LRCOL1: variants seen among roughly 807,000 people sequenced by gnomAD.
LRCOL1 encodes the protein leucine rich colipase like 1.
Under a neutral mutation model 21.6 loss-of-function variants are expected in LRCOL1, and 21 were observed. That is an observed-to-expected ratio of 0.97 (90% CI 0.69 to 1.40). LRCOL1 has a LOEUF of 1.40. Among genes scored for constraint, LRCOL1 ranks in the 40% most tolerant of loss-of-function variants. The probability of loss-of-function intolerance (pLI) is 0.00; values close to 1 mark genes in which losing one functional copy is unlikely to be tolerated. For synonymous variants in LRCOL1, 98 were observed against 90.1 expected (o/e 1.09, Z -0.49); for missense variants, 198 against 202.3 (o/e 0.98, Z 0.13).
At chr12:132,605,094 A>G in intron 2 of LRCOL1, 1 of 1,288,202 alleles carries the variant, frequency 7.8e-7, no homozygotes, top group South Asian at 1.7e-5. Context: ...ATGCAGCAGC[A>G]GAGCATGGGT....
Position 132,606,231 on chromosome 12 carries a change from C to T in LRCOL1, c.21G>A (p.Thr7=), listed in dbSNP as rs184715445. The change falls in exon 2 of 6, where the codon ACG becomes ACA. Residue 7 remains threonine, a synonymous_variant. Coordinates refer to ENST00000376608, the MANE Select transcript of LRCOL1 (RefSeq NM_001195520.2). The surrounding 1 kb of genome is among the most constrained non-coding windows in gnomAD (Gnocchi z 4.6). ...GCAGCAGCAGCAGCAGTAGCAGCAG[C>T]GTCCACCCCGGGCCGGCCATCGGGT... MAGPGW[T]LLLLLLLLLL... is the part of the protein sequence containing the mutation. The T allele has an allele frequency of 2.5e-4, 384 of 1,536,436 alleles. 2 individuals are homozygous for T. The African/African-American group carries it at 4.7e-3, about 19-fold the overall frequency.
At position 132,603,385 on chromosome 12, in the gene LRCOL1, C is replaced by G; in HGVS notation, c.*17G>C. On this transcript the variant is annotated 3_prime_UTR_variant, in exon 6 of 6. Coordinates refer to ENST00000376608, the MANE Select transcript of LRCOL1 (RefSeq NM_001195520.2). ...CAGGGCCCAGGCCGGTCCCTCGCGC[C>G]CAGGTTCGAGCTCACATCACTGAAG... 6.5e-7 allele frequency: 1 copy of G among 1,536,218 alleles called. No homozygotes were observed.
chr12:132,604,767 A>C lies in LRCOL1; in HGVS notation c.170T>G (p.Leu57Arg). Residue 57 changes from leucine (L) to arginine (R), a missense_variant, in exon 3 of 6, where the codon CTG becomes CGG. By Grantham distance (102) the Leu-to-Arg change is moderately radical (BLOSUM62 -2). Transcript: ENST00000376608. ...CQSNCCTINSLAPHTLCTPKT... is the reference protein window; with the variant it reads ...CQSNCCTINSRAPHTLCTPKT... The stretch of plus-strand genomic sequence containing the variant: ...AGGGGTGCAGAGCGTGTGTGGGGCC[A>C]GGCTGTTGATGGTACAGCAGTTGCT... The C allele has an allele frequency of 6.5e-7, 1 of 1,536,086 alleles. No homozygotes were observed. Among genetic ancestry groups the C allele is most frequent in the Non-Finnish European group, 8.7e-7 (1 of 1,146,886 alleles).
rs139358222 is a variant in LRCOL1 at position 132,606,584 on chromosome 12, T to C, written c.-13-320A>G. 2.9e-4 allele frequency among the ~76,000 whole-genome samples: 44 copies of C among 152,270 alleles called. No homozygotes were observed. The East Asian group carries it at 7.5e-3, about 26-fold the overall frequency. On this transcript the variant is annotated intron_variant, in intron 1 of 5. Transcript: ENST00000376608. This position sits in a 1 kb window ranked among gnomAD's most constrained non-coding sequence, Gnocchi z 4.6. ...GCCATCATCACCCGGAGTCCACAGCTCAGCCGGTGTGTGCCTGCTGCGGGT... is the reference window on the plus strand; with the variant it reads ...GCCATCATCACCCGGAGTCCACAGCCCAGCCGGTGTGTGCCTGCTGCGGGT...
At chr12:132,604,854 G>A (rs57223080) in intron 2 of LRCOL1, 23 bp from the exon 3 acceptor site, 94,014 of 1,534,564 alleles carry the variant, frequency 0.061, 6,037 homozygotes, top group African/African-American at 0.31. Flanking sequence ...TCACCAGCTC[G>A]CTCACCTGTT....
chr12:132,603,831 C>G (rs1593647916), intron 5 of LRCOL1: 1 of 985,420 alleles, frequency 1.0e-6, no homozygotes, highest in African/African-American at 1.7e-5. Context: ...ACGGCTTGTC[C>G]CATGGATTTC....
intron 5 of LRCOL1, chr12:132,603,825 C>T: frequency 1.0e-6 from 1 of 985,442 alleles, no homozygotes; most frequent in Admixed American, 6.1e-5. Flanking sequence ...CCGAGCACGG[C>T]TTGTCCCATG....
Position 132,604,562 on chromosome 12 carries a change from T to C in LRCOL1, c.254A>G (p.His85Arg). Residue 85 changes from histidine to arginine, a missense_variant, in exon 4 of 6, where the codon CAC becomes CGC. Transcript: ENST00000376608. ...WRKPNGYRCS[H>R]DSECQSSCCV... ...GCAGCTGCTCTGGCACTCTGAGTCG[T>C]GCGAGCATCTGTACCCATTGGGCTA... The C allele has an allele frequency of 6.5e-7, 1 of 1,535,972 alleles. No homozygotes were observed. The highest frequency in any genetic ancestry group is 8.7e-7 in the Non-Finnish European group (1 of 1,146,806).
rs13328958 is a variant in LRCOL1 at position 132,604,235 on chromosome 12, G to A, written c.477+19C>T. The A allele has an allele frequency of 6.9e-4, 1,046 of 1,520,882 alleles. 8 individuals are homozygous for A. In the African/African-American group the frequency reaches 0.013, roughly 19 times the overall value. The allele number at this position is 1,520,882 out of a possible 1,614,324, so 94.2% of individuals were successfully genotyped here. ...GGCCAAGGGAGGGCCTGGAGGCTGAGCCCCCGCCCGGGACTTACCAGGGGC... is the reference window on the plus strand; with the variant it reads ...GGCCAAGGGAGGGCCTGGAGGCTGAACCCCCGCCCGGGACTTACCAGGGGC... On this transcript the variant is annotated intron_variant, in intron 5 of 5. Coordinates refer to ENST00000376608, the MANE Select transcript of LRCOL1 (RefSeq NM_001195520.2).
chr12:132,603,579 G>A (rs977763803), intron 5 of LRCOL1, 175 bp from the exon 6 acceptor site: 44 of 984,846 alleles, frequency 4.5e-5, no homozygotes, highest in Non-Finnish European at 5.3e-5. Flanking sequence ...CCCACGAGCC[G>A]CGCCAGGCGC....
In LRCOL1 at chr12:132,604,452, C is replaced by G. The variant is rs1566277565; in HGVS notation, c.354+10G>C. On this transcript the variant is annotated intron_variant, in intron 4 of 5. Transcript: ENST00000376608. ...CCCTGCTCCATCTGCCCCGGGTGCC[C>G]GCAGCTCACCTTGCGCCAGGGCACA... 5 of 1,533,952 alleles carry G rather than the reference C, an allele frequency of 3.3e-6. No homozygotes were observed. Among genetic ancestry groups the G allele is most frequent in the Non-Finnish European group, 4.4e-6 (5 of 1,145,434 alleles).
At chr12:132,609,621 CTG>C (rs1357010887) in intron 1 of LRCOL1, among the ~76,000 whole-genome samples, 1 of 151,582 alleles carries the variant, frequency 6.6e-6, no homozygotes, top group Admixed American at 6.6e-5. Flanking sequence ...CGCTTGAACC[CTG>C]GAGGCAAAGG....
chr12:132,604,078 C>T (rs927537134), intron 5 of LRCOL1, 176 bp downstream of exon 5: 14 of 1,420,108 alleles, frequency 9.9e-6, no homozygotes, highest in East Asian at 2.6e-5. Flanking sequence ...GCCTTCTCTG[C>T]GGCCCCCACC....
In LRCOL1 at chr12:132,607,793, CTCTG is replaced by C. The variant is rs1328990505; in HGVS notation, c.-13-1533_-13-1530del. Among the ~76,000 whole-genome samples the C allele has an allele frequency of 3.3e-5, 5 of 150,554 alleles. No homozygotes were observed. The East Asian group carries it at 9.8e-4, about 29-fold the overall frequency. On this transcript the variant is annotated intron_variant, in intron 1 of 5. Transcript: ENST00000376608. ...CCTCTCTTTCTCTGCCTCTCCCTCT[CTCTG>C]TCTCTGTCTCCCTCTCTCTGTCTCT...
chr12:132,608,896 T>C (rs949059390), intron 1 of LRCOL1, among the ~76,000 whole-genome samples: 4 of 152,184 alleles, frequency 2.6e-5, no homozygotes, highest in Non-Finnish European at 5.9e-5. Context: ...AGGCTTCGTT[T>C]CCAAATGGAG....
chr12:132,604,569 A>G lies in LRCOL1; in HGVS notation c.247T>C (p.Cys83Arg), dbSNP rs1386514810. The change falls in exon 4 of 6, where the codon TGC (cysteine) becomes CGC (arginine). Residue 83 changes from cysteine (C) to arginine (R), a missense_variant. Transcript: ENST00000376608. ...CTCTGGCACTCTGAGTCGTGCGAGC[A>G]TCTGTACCCATTGGGCTATGGGACA... ...LPWRKPNGYRCSHDSECQSSC... is the reference protein window; with the variant it reads ...LPWRKPNGYRRSHDSECQSSC... 7 of 1,535,316 alleles carry G rather than the reference A, an allele frequency of 4.6e-6. No homozygotes were observed. Among genetic ancestry groups the G allele is most frequent in the Non-Finnish European group, 6.1e-6 (7 of 1,146,378 alleles).
chr12:132,608,122 A>G lies in LRCOL1; in HGVS notation c.-13-1858T>C, dbSNP rs547106969. On this transcript the variant is annotated intron_variant, in intron 1 of 5. Transcript: ENST00000376608. ...TCAGGGGAAAGGTGGAGCTCTGGCC[A>G]CAACCTATAGCCACCTGCTGGGGAA... 3.9e-5 allele frequency among the ~76,000 whole-genome samples: 6 copies of G among 152,312 alleles called. No individual in the cohort carries two copies. In the South Asian group the frequency reaches 1.2e-3, roughly 32 times the overall value.
chr12:132,603,634 AGGGCGCCTGGTGGTACCCG>A, intron 5 of LRCOL1: 1 of 980,198 alleles, frequency 1.0e-6, no homozygotes, highest in South Asian at 4.7e-5. Context: ...GTGGTACCCG[AGGGCGCCTGGTGGTACCCG>A]AGGGCTGTGA....
chr12:132,607,053 C>G (rs1165465687), intron 1 of LRCOL1, among the ~76,000 whole-genome samples: 1 of 152,192 alleles, frequency 6.6e-6, no homozygotes. Context: ...CCCTTGCTGC[C>G]CAGCCCCGCA....
Sources: allele counts gnomAD v4.1 joint callset (sites outside exome capture counted in the v4.1 genomes callset), GRCh38; gene constraint gnomAD v4.1.1; non-coding constraint Gnocchi (gnomAD v3.1); transcripts MANE v1.5; gene names NCBI Gene and HGNC (gene_info 2026-07-23, HGNC 2026-07-21).